PRKDC: variants seen among roughly 807,000 people sequenced by gnomAD.
PRKDC encodes the protein protein kinase, DNA-activated, catalytic subunit, also known as DNA-dependent protein kinase catalytic subunit.
In PRKDC, 82 loss-of-function variants were observed where a neutral mutation model predicts 486.9. The ratio of observed to expected loss-of-function variants is 0.17; its 90% CI spans 0.14 to 0.20. The LOEUF (loss-of-function observed/expected upper bound fraction) is 0.20, where lower values mean the gene tolerates loss of function less well. Ranked by LOEUF, PRKDC falls within the 10% of genes least tolerant of loss-of-function variation. The pLI is 1.00. For synonymous variants in PRKDC, 1,895 were observed against 1,837.0 expected (o/e 1.03, Z -0.81); for missense variants, 4,504 against 5,038.2 (o/e 0.89, Z 3.21).
intron 73 of PRKDC, among the ~76,000 whole-genome samples, chr8:47,797,508 T>A (rs1029933832): frequency 1.3e-5 from 2 of 152,330 alleles, no homozygotes; most frequent in South Asian, 4.1e-4. Context: ...AAACTCACCA[T>A]GCAAAGCTAA....
At position 47,858,692 on chromosome 8, in the gene PRKDC, T is replaced by C; in HGVS notation, c.6346-57A>G. 4 of 1,444,634 alleles carry C rather than the reference T, an allele frequency of 2.8e-6. 1 individual carries two copies. The highest frequency in any genetic ancestry group is 1.8e-6 in the Non-Finnish European group (2 of 1,090,076). The allele number at this position is 1,444,634 out of a possible 1,614,324, so 89.5% of individuals were successfully genotyped here. On this transcript the variant is annotated intron_variant, in intron 47 of 85. Transcript: ENST00000314191. ...CGTGGAATAAAATAATGATACATTT[T>C]GATATTATGGGAAAACAAGGACAAA...
Position 47,900,303 on chromosome 8 carries a change from G to A in PRKDC, c.3364+70C>T, listed in dbSNP as rs149711066. ...AAAAAACCTTATAAGAGAATCACAC[G>A]AGCCTTAACTCCTCATTGGGGAAAC... On this transcript the variant is annotated intron_variant, in intron 28 of 85. Transcript: ENST00000314191. 6.6e-4 allele frequency: 712 copies of A among 1,078,986 alleles called. 2 individuals carry two copies. The highest frequency in any genetic ancestry group is 2.0e-3 in the South Asian group (74 of 37,346). 66.8% of individuals were successfully genotyped at this position (1,078,986 alleles called of 1,614,324 possible). A position where few individuals can be genotyped will look rare whatever the true frequency, so the allele number is the denominator to read the frequency against.
chr8:47,800,873 C>A lies in PRKDC; in HGVS notation c.10036G>T (p.Ala3346Ser). 6.2e-7 allele frequency: 1 copy of A among 1,613,712 alleles called. No individual in the cohort carries two copies. The highest frequency in any genetic ancestry group is 8.5e-7 in the Non-Finnish European group (1 of 1,179,784). The change falls in exon 71 of 86, where the codon GCC becomes TCC. Residue 3346 changes from alanine to serine, a missense_variant. Physicochemically the swap from Ala to Ser is moderately conservative, Grantham distance 99 (BLOSUM62 1). Transcript: ENST00000314191. Reference sequence around the variant, plus strand: ...TCCTCCTCGATTTCAGCAAGGCAGGCTGGCTCACTGCTGAGAGCATTCGCT... The same window carrying A: ...TCCTCCTCGATTTCAGCAAGGCAGGATGGCTCACTGCTGAGAGCATTCGCT... ...IIANALSSEP[A>S]CLAEIEEDKA...
chr8:47,791,357 C>A (rs1245777835), intron 74 of PRKDC, among the ~76,000 whole-genome samples: 1 of 152,114 alleles, frequency 6.6e-6, no homozygotes, highest in African/African-American at 2.4e-5. Context: ...TGCCTGTAAT[C>A]CCAGCTACTC....
At chr8:47,896,008 T>C (rs1207145782) in intron 30 of PRKDC, among the ~76,000 whole-genome samples, 1 of 151,770 alleles carries the variant, frequency 6.6e-6, no homozygotes, top group Non-Finnish European at 1.5e-5. Context: ...CATTGCACTC[T>C]AGCCCAGGCG....
chr8:47,847,946 C>T (rs779784158), intron 54 of PRKDC, among the ~76,000 whole-genome samples: 11 of 151,868 alleles, frequency 7.2e-5, no homozygotes, highest in African/African-American at 1.2e-4. Context: ...GATACCATCT[C>T]ACACCAGTCA....
At chr8:47,808,543 T>C (rs568569396) in intron 68 of PRKDC, among the ~76,000 whole-genome samples, 4 of 151,906 alleles carry the variant, frequency 2.6e-5, no homozygotes, top group African/African-American at 7.2e-5. Flanking sequence ...GATGTAATCA[T>C]AGCACACTAC....
rs927400387 is a variant in PRKDC, at chr8:47,887,607, G to T, written c.4512C>A (p.Asp1504Glu). The change falls in exon 35 of 86, where the codon GAC becomes GAA. Residue 1504 changes from aspartate (D) to glutamate (E), a missense_variant. Coordinates refer to ENST00000314191, the MANE Select transcript of PRKDC (RefSeq NM_006904.7). The stretch of plus-strand genomic sequence containing the variant: ...CGCTGGCCAGCTGCTTACAACTGAG[G>T]TCTAGAGAAGGCAGACACTGTCTCT... ...GDERQCLPSL[D>E]LSCKQLASGL... 6.2e-7 allele frequency: 1 copy of T among 1,602,158 alleles called. No homozygotes were observed. Among genetic ancestry groups the T allele is most frequent in the African/African-American group, 1.3e-5 (1 of 74,726 alleles).
intron 21 of PRKDC, among the ~76,000 whole-genome samples, chr8:47,920,714 C>A (rs2090056986): frequency 6.6e-6 from 1 of 152,152 alleles, no homozygotes; most frequent in African/African-American, 2.4e-5. Flanking sequence ...ATAACACGAA[C>A]ATGCACTTTA....
At chr8:47,943,160 T>A in intron 10 of PRKDC, 49 bp downstream of exon 10, 1 of 1,580,388 alleles carries the variant, frequency 6.3e-7, no homozygotes, top group Non-Finnish European at 8.6e-7. Flanking sequence ...GGGAATTTAA[T>A]TCTGTGTGTG....
chr8:47,946,244 T>C (rs1190364495), intron 7 of PRKDC, among the ~76,000 whole-genome samples: 2 of 151,948 alleles, frequency 1.3e-5, no homozygotes, highest in Non-Finnish European at 2.9e-5. Context: ...GGCATGAGAA[T>C]TGCTTGAACT....
chr8:47,834,498 C>T (rs917412520), intron 58 of PRKDC, 102 bp from the exon 59 acceptor site: 62 of 1,234,472 alleles, frequency 5.0e-5, no homozygotes, highest in Non-Finnish European at 5.0e-5. Flanking sequence ...CCTAGGCCTC[C>T]GTGCTCAACT....
In PRKDC at chr8:47,821,789, G is replaced by C. The variant is rs1401050763; in HGVS notation, c.8926C>G (p.Leu2976Val). 1.3e-6 allele frequency: 2 copies of C among 1,543,484 alleles called. No individual in the cohort carries two copies. Among genetic ancestry groups the C allele is most frequent in the Admixed American group, 2.5e-5 (1 of 40,692 alleles). The change falls in exon 65 of 86, where the codon CTC becomes GTC. Residue 2976 changes from leucine to valine, a missense_variant. By Grantham distance (32) the Leu-to-Val change is conservative. This residue lies in a region of PRKDC where 1,592 missense variants were observed against 1,724.6 expected (regional missense o/e 0.92). Coordinates refer to ENST00000314191, the MANE Select transcript of PRKDC (RefSeq NM_006904.7). ...CCATCTACCCAGTCTTGTTTATTGA[G>C]AGCCTAGTGGAGAAAAGTTAATAAA... ...SEAAKQYDEA[L>V]NKQDWVDGEP...
chr8:47,865,110 G>A (rs2154500829), intron 40 of PRKDC, among the ~76,000 whole-genome samples: 1 of 152,324 alleles, frequency 6.6e-6, no homozygotes, highest in Non-Finnish European at 1.5e-5. Flanking sequence ...GAAGTTGGCT[G>A]GGCGTGGTGG....
chr8:47,954,877 G>A (rs191372004), intron 4 of PRKDC, among the ~76,000 whole-genome samples: 15 of 152,100 alleles, frequency 9.9e-5, no homozygotes, highest in South Asian at 2.1e-4. Flanking sequence ...ACTGATTCCC[G>A]CCAGACAGTG....
chr8:47,774,850 A>C (rs904206669), intron 85 of PRKDC, among the ~76,000 whole-genome samples: 1 of 150,958 alleles, frequency 6.6e-6, no homozygotes, highest in Non-Finnish European at 1.5e-5. Flanking sequence ...CTAGACTTGA[A>C]CTCCCGGGCT....
chr8:47,900,544 T>A, intron 27 of PRKDC, 77 bp from the exon 28 acceptor site: 1 of 1,310,798 alleles, frequency 7.6e-7, no homozygotes, highest in Non-Finnish European at 1.1e-6. Flanking sequence ...GGAATGGAAT[T>A]AAAGAAGGCA....
At chr8:47,858,196 CT>C (rs1041282200) in intron 48 of PRKDC, among the ~76,000 whole-genome samples, 31 of 148,426 alleles carry the variant, frequency 2.1e-4, no homozygotes, top group African/African-American at 2.2e-4. Context: ...CCACCCCCCG[CT>C]TTTTTTTTTC....
chr8:47,939,950 G>GAAAAAAAAAAAAAAAAAAAAACAAAA, intron 10 of PRKDC: 1 of 65,834 alleles, frequency 1.5e-5, no homozygotes, highest in Non-Finnish European at 3.1e-5. Context: ...ACATAAGTCT[G>GAAAAAAAAAAAAAAAAAAAAACAAAA]AAAAAAAAAA....
Sources: gnomAD v4.1 joint callset for allele counts (sites outside exome capture counted in the v4.1 genomes callset) on GRCh38, gnomAD v4.1.1 for gene constraint, gnomAD v4.1.1 regional missense constraint, MANE v1.5 for transcripts, NCBI Gene and HGNC (gene_info 2026-07-23, HGNC 2026-07-21) for gene names.